Variants in RDH12 observed in about 807,000 individuals in gnomAD.
RDH12 encodes the protein all-trans and 9-cis retinol dehydrogenase.
In RDH12, 21 loss-of-function variants were observed where a neutral mutation model predicts 34.0. The ratio of observed to expected loss-of-function variants is 0.62; its 90% CI spans 0.44 to 0.89. The LOEUF is 0.89. RDH12 is among the 40% of genes least tolerant of loss of function. The pLI is 0.00. For missense variants in RDH12, 394 were observed against 398.6 expected, an observed-to-expected ratio of 0.99 and a Z score of 0.10; for synonymous variants, 198 against 169.9, an observed-to-expected ratio of 1.17 and a Z score of -1.29.
intron 1 of RDH12, among the ~76,000 whole-genome samples, chr14:67,717,648 A>G (rs1048103344): frequency 6.6e-6 from 1 of 152,202 alleles, no homozygotes; most frequent in African/African-American, 2.4e-5. Context: ...GCCAGGAGAC[A>G]TTTTTGGTTG....
intron 1 of RDH12, among the ~76,000 whole-genome samples, chr14:67,709,033 C>T (rs898831377): frequency 1.5e-4 from 23 of 152,236 alleles, no homozygotes; most frequent in South Asian, 4.1e-4. Flanking sequence ...CCTCATGATC[C>T]GCTGGCCTTG....
intron 1 of RDH12, among the ~76,000 whole-genome samples, chr14:67,708,268 T>C (rs1179648136): frequency 6.6e-6 from 1 of 152,196 alleles, no homozygotes; most frequent in Non-Finnish European, 1.5e-5. Context: ...GTTAAAAATA[T>C]TACTTTAGTC....
At chr14:67,719,036 T>C (rs574096440) in intron 1 of RDH12, among the ~76,000 whole-genome samples, 1 of 152,364 alleles carries the variant, frequency 6.6e-6, no homozygotes, top group East Asian at 1.9e-4. Context: ...AAGTTGGGCA[T>C]GTTCCAACAT....
At chr14:67,723,018 C>T (rs2038143283) in intron 3 of RDH12, among the ~76,000 whole-genome samples, 1 of 152,170 alleles carries the variant, frequency 6.6e-6, no homozygotes, top group South Asian at 2.1e-4. Flanking sequence ...GGAGTCCTTG[C>T]GTTTTCATTT....
intron 1 of RDH12, among the ~76,000 whole-genome samples, chr14:67,715,977 C>T (rs1354536649): frequency 6.6e-6 from 1 of 152,072 alleles, no homozygotes; most frequent in African/African-American, 2.4e-5. Flanking sequence ...GGGCGGATCA[C>T]GAGGTCAAGA....
chr14:67,706,405 G>T (rs758143900), intron 1 of RDH12, among the ~76,000 whole-genome samples: 7 of 152,144 alleles, frequency 4.6e-5, no homozygotes, highest in Non-Finnish European at 1.0e-4. Context: ...CCTTCGGAGG[G>T]CCTGACAACA....
chr14:67,720,238 T>G (rs2038108705), intron 1 of RDH12, among the ~76,000 whole-genome samples: 1 of 152,228 alleles, frequency 6.6e-6, no homozygotes, highest in Non-Finnish European at 1.5e-5. Flanking sequence ...GGGTTGTTAT[T>G]CCTTTTCTTA....
intron 8 of RDH12, among the ~76,000 whole-genome samples, chr14:67,730,949 G>A (rs923260101): frequency 2.0e-5 from 3 of 152,122 alleles, no homozygotes; most frequent in Non-Finnish European, 2.9e-5. Context: ...TATAAAAAAA[G>A]AAGTGTAAGT....
intron 1 of RDH12, among the ~76,000 whole-genome samples, chr14:67,716,403 C>A (rs1165926745): frequency 6.6e-6 from 1 of 151,960 alleles, no homozygotes; most frequent in Non-Finnish European, 1.5e-5. Flanking sequence ...AAAAAAAATT[C>A]CATTTATGTT....
chr14:67,717,763 A>G (rs1038802678), intron 1 of RDH12: 1 of 152,236 alleles, frequency 6.6e-6, no homozygotes, highest in African/African-American at 2.4e-5. Context: ...AAAGAATTAT[A>G]AGGCTCAAAA....
At chr14:67,731,011 T>G (rs2038264267) in intron 8 of RDH12, among the ~76,000 whole-genome samples, 1 of 152,164 alleles carries the variant, frequency 6.6e-6, no homozygotes, top group African/African-American at 2.4e-5. Flanking sequence ...TTTTTTATAT[T>G]GATTGCATGC....
chr14:67,725,110 T>C lies in RDH12; in HGVS notation c.199T>C (p.Tyr67His), dbSNP rs1345040413. Residue 67 changes from tyrosine to histidine, a missense_variant, in exon 5 of 9, where the codon TAT becomes CAT. By Grantham distance (83) the Tyr-to-His change is moderately conservative (BLOSUM62 2). Transcript: ENST00000551171. ...TGTCTTGGACCCAGGAGCCCGAGTC[T>C]ATATTGCCTGCAGAGATGTACTGAA... ...RELASRGARVYIACRDVLKGE... is the reference protein window; with the variant it reads ...RELASRGARVHIACRDVLKGE... 2 of 1,614,064 alleles carry C rather than the reference T, an allele frequency of 1.2e-6. No homozygotes were observed. The highest frequency in any genetic ancestry group is 1.7e-5 in the Admixed American group (1 of 60,002).
intron 1 of RDH12, among the ~76,000 whole-genome samples, chr14:67,712,348 T>G (rs1222346021): frequency 1.3e-5 from 2 of 152,008 alleles, no homozygotes; most frequent in African/African-American, 2.4e-5. Flanking sequence ...ACTTAAAAAT[T>G]TTGTTGTTGT....
intron 1 of RDH12, among the ~76,000 whole-genome samples, chr14:67,715,461 G>A (rs1480397629): frequency 1.3e-5 from 2 of 152,128 alleles, no homozygotes; most frequent in Non-Finnish European, 2.9e-5. Flanking sequence ...ATTGCTGTAA[G>A]CCCTTGAGTT....
At chr14:67,713,369 C>T (rs1594860683) in intron 1 of RDH12, among the ~76,000 whole-genome samples, 1 of 122,436 alleles carries the variant, frequency 8.2e-6, no homozygotes, top group South Asian at 2.6e-4. Flanking sequence ...GAAAAACTTG[C>T]CTTTCTTGTT....
chr14:67,704,751 G>A (rs2037934095), intron 1 of RDH12, among the ~76,000 whole-genome samples: 1 of 152,154 alleles, frequency 6.6e-6, no homozygotes, highest in Non-Finnish European at 1.5e-5. Flanking sequence ...CCCTGCCCTA[G>A]TATTTAACAA....
rs182716115 is a variant in RDH12 at position 67,732,638 on chromosome 14, G to A, written c.849-1108G>A. On this transcript the variant is annotated intron_variant, in intron 8 of 8. Coordinates refer to ENST00000551171, the MANE Select transcript of RDH12 (RefSeq NM_152443.3). ...GTCGCCCAGGCTGGATTTCAGTGGC[G>A]TGATCTCCACTCACTGCAACCTCTG... 9.6e-4 allele frequency among the ~76,000 whole-genome samples: 146 copies of A among 151,750 alleles called. 1 individual carries two copies. The highest frequency in any genetic ancestry group is 3.4e-3 in the African/African-American group (140 of 41,408).
Position 67,724,507 on chromosome 14 carries a change from G to A in RDH12, c.103G>A (p.Val35Met). 2.5e-6 allele frequency: 4 copies of A among 1,605,860 alleles called. No individual in the cohort carries two copies. Among genetic ancestry groups the A allele is most frequent in the Non-Finnish European group, 3.4e-6 (4 of 1,175,002 alleles). ...FFAGGVCRTNVQLPGKVVVIT... is the reference protein window; with the variant it reads ...FFAGGVCRTNMQLPGKVVVIT... ...TGCTGGTGGAGTGTGTAGAACAAATGTGCAGCTTCCTGGCAAGGTAGTGGT... is the reference window on the plus strand; with the variant it reads ...TGCTGGTGGAGTGTGTAGAACAAATATGCAGCTTCCTGGCAAGGTAGTGGT... The change falls in exon 4 of 9, where the codon GTG becomes ATG. Residue 35 changes from valine (V) to methionine (M), a missense_variant. Physicochemically the swap from Val to Met is conservative, Grantham distance 21. Coordinates refer to ENST00000551171, the MANE Select transcript of RDH12 (RefSeq NM_152443.3).
intron 8 of RDH12, 105 bp downstream of exon 8, chr14:67,729,485 A>G: frequency 8.5e-7 from 1 of 1,179,034 alleles, no homozygotes; most frequent in African/African-American, 1.5e-5. Flanking sequence ...TGATGATGCA[A>G]TCCAGGTTTG....
Sources: allele counts gnomAD v4.1 joint callset (sites outside exome capture counted in the v4.1 genomes callset), GRCh38; gene constraint gnomAD v4.1.1; transcripts MANE v1.5; gene names NCBI Gene and HGNC (gene_info 2026-07-23, HGNC 2026-07-21).